Variants in PCCA observed in about 807,000 individuals in gnomAD.
The protein encoded by PCCA is propionyl-CoA carboxylase subunit alpha.
A neutral mutation model predicts 101.3 loss-of-function variants in PCCA; 74 were observed. The ratio of observed to expected loss-of-function variants is 0.73; its 90% CI spans 0.61 to 0.89. The LOEUF (loss-of-function observed/expected upper bound fraction) is 0.89, where lower values mean the gene tolerates loss of function less well. PCCA is among the 40% of genes least tolerant of loss of function. The pLI is 0.00. For missense variants in PCCA, 891 were observed against 907.0 expected (o/e 0.98, Z 0.23); for synonymous variants, 294 against 313.6 (o/e 0.94, Z 0.66).
chr13:100,486,873 C>G (rs117596581), intron 21 of PCCA, among the ~76,000 whole-genome samples: 4 of 152,140 alleles, frequency 2.6e-5, no homozygotes, highest in African/African-American at 7.2e-5. Flanking sequence ...GAGCTGTGAT[C>G]GTACCACTGC....
intron 4 of PCCA, among the ~76,000 whole-genome samples, chr13:100,147,127 A>C (rs2052676346): frequency 6.6e-6 from 1 of 152,208 alleles, no homozygotes; most frequent in Non-Finnish European, 1.5e-5. Flanking sequence ...ATTTCTGCAT[A>C]TCCATATGAA....
chr13:100,406,153 C>T lies in PCCA; in HGVS notation c.1747-19480C>T, dbSNP rs571157260. 1.6e-4 allele frequency among the ~76,000 whole-genome samples: 25 copies of T among 152,282 alleles called. 1 individual carries two copies. The highest frequency in any genetic ancestry group is 5.1e-4 in the African/African-American group (21 of 41,562). ...GTATGAGGCCATTTTCCCCACTGGG[C>T]TCTTACTGGCTCTGCAAGTCAAGAT... On this transcript the variant is annotated intron_variant, in intron 19 of 23. Coordinates refer to ENST00000376285, the MANE Select transcript of PCCA (RefSeq NM_000282.4).
chr13:100,347,030 C>T (rs1331824416), intron 18 of PCCA, among the ~76,000 whole-genome samples: 2 of 152,118 alleles, frequency 1.3e-5, no homozygotes, highest in East Asian at 1.9e-4. Flanking sequence ...CATGCCACCA[C>T]ACCCCACTAA....
chr13:100,452,688 C>G (rs1015964309), intron 21 of PCCA, among the ~76,000 whole-genome samples: 1 of 152,158 alleles, frequency 6.6e-6, no homozygotes, highest in African/African-American at 2.4e-5. Context: ...GCTTGACATA[C>G]TGCAATTTTC....
At chr13:100,206,423 T>C (rs768259184) in intron 6 of PCCA, among the ~76,000 whole-genome samples, 1 of 152,084 alleles carries the variant, frequency 6.6e-6, no homozygotes, top group Non-Finnish European at 1.5e-5. Flanking sequence ...TGCACCACCA[T>C]GCCTAGCTGA....
intron 14 of PCCA, 61 bp from the exon 15 acceptor site, chr13:100,307,131 G>C (rs1377677238): frequency 1.8e-6 from 2 of 1,138,230 alleles, no homozygotes; most frequent in East Asian, 4.8e-5. Flanking sequence ...TGAAATTGGT[G>C]GTTACAAAAA....
At chr13:100,280,020 T>G (rs768834408) in intron 12 of PCCA, among the ~76,000 whole-genome samples, 127 of 151,748 alleles carry the variant, frequency 8.4e-4, no homozygotes, top group Non-Finnish European at 1.4e-3. Flanking sequence ...TTGTTTTTTT[T>G]TTTTTTGGTA....
At chr13:100,450,257 G>A (rs1300309011) in intron 21 of PCCA, among the ~76,000 whole-genome samples, 4 of 151,732 alleles carry the variant, frequency 2.6e-5, no homozygotes, top group Non-Finnish European at 2.9e-5. Flanking sequence ...GGTGGTGGGC[G>A]CCTATAATCC....
chr13:100,489,918 A>G (rs1376591060), intron 21 of PCCA: 1 of 152,218 alleles, frequency 6.6e-6, no homozygotes, highest in East Asian at 1.9e-4. Flanking sequence ...AAGATTCTGT[A>G]ACTGTTTCTG....
chr13:100,429,222 G>A (rs892543446), intron 20 of PCCA, among the ~76,000 whole-genome samples: 2 of 151,926 alleles, frequency 1.3e-5, no homozygotes, highest in Admixed American at 6.6e-5. Flanking sequence ...TTCTATTCCT[G>A]ACTCCCCCTT....
intron 8 of PCCA, among the ~76,000 whole-genome samples, chr13:100,257,323 T>C (rs1325847962): frequency 6.6e-6 from 1 of 152,216 alleles, no homozygotes; most frequent in Non-Finnish European, 1.5e-5. Context: ...TGTTAATTTA[T>C]GTGTGTTTTC....
Position 100,326,249 on chromosome 13 carries a change from C to T in PCCA, c.1430-4312C>T, listed in dbSNP as rs553151952. On this transcript the variant is annotated intron_variant, in intron 16 of 23. Transcript: ENST00000376285. ...GTGGGGGTTGAAGGGTTTTAAGGTA[C>T]GGATCTTAGAGGAATCCAAGAGCGG... Among the ~76,000 whole-genome samples the T allele has an allele frequency of 3.3e-5, 5 of 152,204 alleles. No individual in the cohort carries two copies. In the East Asian group the frequency reaches 5.8e-4, roughly 18 times the overall value.
chr13:100,091,988 T>G (rs953156937), intron 1 of PCCA, among the ~76,000 whole-genome samples: 2 of 152,098 alleles, frequency 1.3e-5, no homozygotes, highest in Admixed American at 1.3e-4. Flanking sequence ...TGGCGCGATC[T>G]CAGCTCACTG....
intron 21 of PCCA, chr13:100,490,122 A>G (rs1360742646): frequency 6.6e-6 from 1 of 152,228 alleles, no homozygotes; most frequent in Admixed American, 6.5e-5. Context: ...TATCCTGGTC[A>G]GCACAGTTTA....
chr13:100,478,103 C>G (rs144781452), intron 21 of PCCA, among the ~76,000 whole-genome samples: 7 of 152,304 alleles, frequency 4.6e-5, no homozygotes, highest in African/African-American at 1.7e-4. Flanking sequence ...CTCAGAAGCC[C>G]GCAATTCATT....
chr13:100,213,389 C>T (rs61094345), intron 7 of PCCA, among the ~76,000 whole-genome samples: 22,760 of 152,102 alleles, frequency 0.15, 1,815 homozygotes, highest in Middle Eastern at 0.22. Context: ...TCTATATCCT[C>T]GCCAGCATTT....
intron 6 of PCCA, among the ~76,000 whole-genome samples, chr13:100,185,098 C>T (rs567475031): frequency 1.3e-5 from 2 of 152,218 alleles, no homozygotes; most frequent in Admixed American, 6.5e-5. Context: ...AATGTCTGCA[C>T]CCTAGAAGCC....
rs562543919 is a variant in PCCA, at chr13:100,490,163, G to A, written c.1900-25264G>A. ...AATCATTGCTTATTGAAATAGAGAC[G>A]GCAATAATGAAGCCAGCTATTATAA... On this transcript the variant is annotated intron_variant, in intron 21 of 23. Coordinates refer to ENST00000376285, the MANE Select transcript of PCCA (RefSeq NM_000282.4). The A allele has an allele frequency of 4.6e-5, 7 of 152,222 alleles. 1 individual carries two copies. Among genetic ancestry groups the A allele is most frequent in the African/African-American group, 1.7e-4 (7 of 41,536 alleles). 9.4% of individuals were successfully genotyped at this position (152,222 alleles called of 1,614,324 possible).
rs563095861 is a variant in PCCA, at chr13:100,328,311, C to T, written c.1430-2250C>T. On this transcript the variant is annotated intron_variant, in intron 16 of 23. Transcript: ENST00000376285. Reference sequence around the variant, plus strand: ...CTAGGAGACAGAGGTTGCAGTGAGCCGAGGTTGCACCACTGCACTCTGACC... The same window carrying T: ...CTAGGAGACAGAGGTTGCAGTGAGCTGAGGTTGCACCACTGCACTCTGACC... Among the ~76,000 whole-genome samples, 22 of 150,922 alleles carry T rather than the reference C, an allele frequency of 1.5e-4. No homozygotes were observed. The East Asian group carries it at 4.1e-3, about 28-fold the overall frequency.
Sources: allele counts gnomAD v4.1 joint callset (sites outside exome capture counted in the v4.1 genomes callset), GRCh38; gene constraint gnomAD v4.1.1; transcripts MANE v1.5; gene names NCBI Gene and HGNC (gene_info 2026-07-23, HGNC 2026-07-21).